Variants in GOT2 observed in about 807,000 individuals in gnomAD.
GOT2 encodes the protein glutamic-oxaloacetic transaminase 2.
GOT2 carries 17 observed loss-of-function variants against 50.0 expected under a neutral mutation model. That is an observed-to-expected ratio of 0.34 (90% CI 0.23 to 0.51). GOT2 has a LOEUF of 0.51. Ranked by LOEUF, GOT2 falls within the 20% of genes least tolerant of loss-of-function variation. The pLI, the probability that GOT2 is intolerant of heterozygous loss-of-function variation, is 0.97. For missense variants in GOT2, 430 were observed against 559.6 expected (o/e 0.77, Z 2.34); for synonymous variants, 172 against 204.9 (o/e 0.84, Z 1.37).
At chr16:58,711,954 C>T in intron 8 of GOT2, among the ~76,000 whole-genome samples, 1 of 152,072 alleles carries the variant, frequency 6.6e-6, no homozygotes, top group East Asian at 1.9e-4. Flanking sequence ...TCCCACAGTC[C>T]TCCTCACATT....
intron 6 of GOT2, among the ~76,000 whole-genome samples, chr16:58,717,270 C>G (rs2044701876): frequency 6.6e-6 from 1 of 151,986 alleles, no homozygotes; most frequent in Non-Finnish European, 1.5e-5. Flanking sequence ...CCCAGCTACT[C>G]AGGGGCTGAG....
chr16:58,733,049 T>G (rs901421858), intron 1 of GOT2, among the ~76,000 whole-genome samples: 9 of 152,220 alleles, frequency 5.9e-5, no homozygotes, highest in Admixed American at 1.3e-4. Context: ...GAGCATACAT[T>G]CAAACGAAAG....
In GOT2 at chr16:58,722,270, G is replaced by T; in HGVS notation, c.255C>A (p.Ala85=). Residue 85 remains alanine (A), a synonymous_variant, in exon 3 of 10, where the codon GCC becomes GCA. Transcript: ENST00000245206. Reference sequence around the variant, plus strand: ...TGTCCAAATTTTTTGCGGCAATCTGGGCCTCTGCCTAGACAAGAGAAAATA... The same window carrying T: ...TGTCCAAATTTTTTGCGGCAATCTGTGCCTCTGCCTAGACAAGAGAAAATA... ...YVLPSVRKAE[A]QIAAKNLDKE... 6.2e-7 allele frequency: 1 copy of T among 1,613,370 alleles called. No individual in the cohort carries two copies. The highest frequency in any genetic ancestry group is 8.5e-7 in the Non-Finnish European group (1 of 1,179,666).
chr16:58,719,288 C>T lies in GOT2; in HGVS notation c.376-33G>A. 3 of 1,518,472 alleles carry T rather than the reference C, an allele frequency of 2.0e-6. No homozygotes were observed. In the South Asian group the frequency reaches 3.4e-5, roughly 17 times the overall value. 94.1% of individuals were successfully genotyped at this position (1,518,472 alleles called of 1,614,324 possible). A position where few individuals can be genotyped will look rare whatever the true frequency, so the allele number is the denominator to read the frequency against. On this transcript the variant is annotated intron_variant, in intron 3 of 9. Coordinates refer to ENST00000245206, the MANE Select transcript of GOT2 (RefSeq NM_002080.4). Reference sequence around the variant, plus strand: ...AGAGATACCCACGGTCAGTGATGTGCAACACTCTCTATACAGGCCCAGACC... The same window carrying T: ...AGAGATACCCACGGTCAGTGATGTGTAACACTCTCTATACAGGCCCAGACC...
At chr16:58,724,653 ACCTCAG>A (rs1376590611) in intron 1 of GOT2, among the ~76,000 whole-genome samples, 1 of 151,958 alleles carries the variant, frequency 6.6e-6, no homozygotes, top group African/African-American at 2.4e-5. Flanking sequence ...CGATTGTCCC[ACCTCAG>A]CCTCTGGAGT....
At chr16:58,715,142 G>A (rs1224991730) in intron 8 of GOT2, among the ~76,000 whole-genome samples, 13 of 152,034 alleles carry the variant, frequency 8.6e-5, no homozygotes. Context: ...CCAGGAGTTT[G>A]AGGAGACCAG....
At chr16:58,725,677 T>C (rs1279633000) in intron 1 of GOT2, among the ~76,000 whole-genome samples, 1 of 152,228 alleles carries the variant, frequency 6.6e-6, no homozygotes, top group Admixed American at 6.5e-5. Context: ...TACATGTGGC[T>C]GTAGAAGTTG....
chr16:58,732,383 A>C (rs863944), intron 1 of GOT2, among the ~76,000 whole-genome samples: 77,066 of 152,022 alleles, frequency 0.51, 20,765 homozygotes, highest in Middle Eastern at 0.78. Flanking sequence ...TAGTCGAGAG[A>C]AGGAACAATA....
At chr16:58,730,297 A>G (rs1391489811) in intron 1 of GOT2, among the ~76,000 whole-genome samples, 1 of 151,978 alleles carries the variant, frequency 6.6e-6, no homozygotes, top group Non-Finnish European at 1.5e-5. Context: ...TAAGCATAGT[A>G]CCTGACAGTT....
chr16:58,715,985 G>C, intron 8 of GOT2, 29 bp downstream of exon 8: 1 of 1,576,844 alleles, frequency 6.3e-7, no homozygotes, highest in Non-Finnish European at 8.6e-7. Flanking sequence ...GGAACAGGTA[G>C]GTGGCTGGGG....
chr16:58,734,185 G>T lies in GOT2; in HGVS notation c.44C>A (p.Ala15Asp), dbSNP rs1016990322. ...HSGRVLPGIA[A>D]AFHPGLAAAA... ...GGCGGCGAGGCCCGGGTGGAAGGCGGCGGCGATCCCGGGGAGGACGCGGCC... is the reference window on the plus strand; with the variant it reads ...GGCGGCGAGGCCCGGGTGGAAGGCGTCGGCGATCCCGGGGAGGACGCGGCC... Residue 15 changes from alanine to aspartate, a missense_variant, in exon 1 of 10, where the codon GCC (alanine) becomes GAC (aspartate). Ala to Asp is a moderately radical substitution (Grantham distance 126, BLOSUM62 -2). Transcript: ENST00000245206. The T allele has an allele frequency of 7.5e-7, 1 of 1,336,182 alleles. No homozygotes were observed. The highest frequency in any genetic ancestry group is 9.6e-7 in the Non-Finnish European group (1 of 1,037,578). The allele number at this position is 1,336,182 out of a possible 1,614,324, so 82.8% of individuals were successfully genotyped here.
chr16:58,708,140 AGGT>A lies in GOT2; in HGVS notation c.*28_*30del. 1 of 1,609,756 alleles carries A rather than the reference AGGT, an allele frequency of 6.2e-7. No homozygotes were observed. The highest frequency in any genetic ancestry group is 8.5e-7 in the Non-Finnish European group (1 of 1,177,638). On this transcript the variant is annotated 3_prime_UTR_variant, in exon 10 of 10. Transcript: ENST00000245206. ...TCAATAGCAGAGGCTGAAGACAGAAAGGTTGTCTCTGTTTCCTCGCACCAGGGA... is the reference window on the plus strand; with the variant it reads ...TCAATAGCAGAGGCTGAAGACAGAAATGTCTCTGTTTCCTCGCACCAGGGA...
At chr16:58,715,384 C>G (rs1367074025) in intron 8 of GOT2, among the ~76,000 whole-genome samples, 1 of 152,152 alleles carries the variant, frequency 6.6e-6, no homozygotes, top group Non-Finnish European at 1.5e-5. Flanking sequence ...CTGCCTCTTA[C>G]AGAGAAATAT....
intron 8 of GOT2, among the ~76,000 whole-genome samples, chr16:58,712,419 G>A (rs2044656093): frequency 6.6e-6 from 1 of 152,180 alleles, no homozygotes; most frequent in East Asian, 1.9e-4. Context: ...CCTGAGGCAG[G>A]AGAATCGCTT....
intron 2 of GOT2, 101 bp downstream of exon 2, chr16:58,723,645 C>G (rs2044758023): frequency 1.0e-6 from 1 of 952,800 alleles, no homozygotes; most frequent in Non-Finnish European, 1.6e-6. Context: ...AGAACTAAAG[C>G]CCAGGGCTCC....
chr16:58,716,075 G>C lies in GOT2; in HGVS notation c.958C>G (p.Pro320Ala), dbSNP rs751947306. 2 of 1,613,862 alleles carry C rather than the reference G, an allele frequency of 1.2e-6. No homozygotes were observed. The highest frequency in any genetic ancestry group is 2.2e-5 in the South Asian group (2 of 91,032). Reference protein sequence around the residue: ...ILIRPMYSNPPLNGARIAAAI... With the variant: ...ILIRPMYSNPALNGARIAAAI... ...GCAGCAATCCGGGCCCCATTGAGGG[G>C]AGGGTTGGAATACATGGGACGGATC... The change falls in exon 8 of 10, where the codon CCC becomes GCC. Residue 320 changes from proline to alanine, a missense_variant. By Grantham distance (27) the Pro-to-Ala change is conservative (BLOSUM62 -1). Transcript: ENST00000245206.
chr16:58,734,118 A>G (rs758641913), intron 1 of GOT2, 22 bp downstream of exon 1: 1 of 1,296,254 alleles, frequency 7.7e-7, no homozygotes, highest in Non-Finnish European at 9.9e-7. Context: ...CCCTGGCTCC[A>G]TCTCCGTTTC....
At chr16:58,732,478 A>G (rs949211308) in intron 1 of GOT2, among the ~76,000 whole-genome samples, 2 of 152,176 alleles carry the variant, frequency 1.3e-5, no homozygotes, top group African/African-American at 2.4e-5. Context: ...CTAAGATACA[A>G]CATTAAAATG....
At chr16:58,714,366 C>A (rs7196291) in intron 8 of GOT2, among the ~76,000 whole-genome samples, 2 of 151,978 alleles carry the variant, frequency 1.3e-5, no homozygotes, top group African/African-American at 4.8e-5. Context: ...GCCTGGCCAA[C>A]ATGGCGAAAC....
Sources: allele counts gnomAD v4.1 joint callset (sites outside exome capture counted in the v4.1 genomes callset), GRCh38; gene constraint gnomAD v4.1.1; transcripts MANE v1.5; gene names NCBI Gene and HGNC (gene_info 2026-07-23, HGNC 2026-07-21).